The following TMEM232 variants were observed in gnomAD, a reference collection of about 807,000 sequenced individuals.
TMEM232 encodes the protein transmembrane protein 232.
In TMEM232, 80 loss-of-function variants were observed where a neutral mutation model predicts 78.8. That is an observed-to-expected ratio of 1.01 (90% CI 0.85 to 1.22). The LOEUF (loss-of-function observed/expected upper bound fraction) is 1.22. TMEM232 is among the 50% of genes most tolerant of loss of function. The pLI is 0.00. For missense variants in TMEM232, 881 were observed against 742.2 expected, an observed-to-expected ratio of 1.19 and a Z score of -2.17; for synonymous variants, 297 against 254.3, an observed-to-expected ratio of 1.17 and a Z score of -1.60.
chr5:110,674,964 A>G (rs913010221), intron 1 of TMEM232, among the ~76,000 whole-genome samples: 14 of 152,192 alleles, frequency 9.2e-5, no homozygotes, highest in East Asian at 1.9e-4. Context: ...TACAAGTATA[A>G]TTAGCTCTGA....
At chr5:110,664,453 A>G (rs954497566) in intron 2 of TMEM232, among the ~76,000 whole-genome samples, 1 of 152,224 alleles carries the variant, frequency 6.6e-6, no homozygotes, top group Non-Finnish European at 1.5e-5. Flanking sequence ...ATGAACTGGA[A>G]TGATATCTGC....
chr5:110,667,119 A>C (rs1371945536), intron 2 of TMEM232, 109 bp downstream of exon 2: 19 of 924,766 alleles, frequency 2.1e-5, no homozygotes, highest in East Asian at 9.1e-5. Context: ...TAAACTTTAA[A>C]ATTTTAATCT....
intron 12 of TMEM232, among the ~76,000 whole-genome samples, chr5:110,503,212 T>G (rs1299428873): frequency 1.3e-5 from 2 of 152,174 alleles, no homozygotes; most frequent in Admixed American, 6.6e-5. Context: ...TCAAATCATG[T>G]GAAAACAGTG....
chr5:110,619,085 T>A (rs1490416752), intron 7 of TMEM232, among the ~76,000 whole-genome samples: 1 of 152,116 alleles, frequency 6.6e-6, no homozygotes, highest in Non-Finnish European at 1.5e-5. Flanking sequence ...TTCCTTAGAG[T>A]GCTTCCCAAC....
chr5:110,620,130 G>A lies in TMEM232; in HGVS notation c.769-1568C>T, dbSNP rs937048341. On this transcript the variant is annotated intron_variant, in intron 7 of 13. Transcript: ENST00000455884. ...AGAAAAAAATCAGGATTTAGACAAC[G>A]AACAAGATTTGAGTTTTATCTTCAA... is the stretch of plus-strand genomic sequence containing the variant. Among the ~76,000 whole-genome samples, 37 of 152,144 alleles carry A rather than the reference G, an allele frequency of 2.4e-4. 1 individual carries two copies. The highest frequency in any genetic ancestry group is 1.4e-3 in the Admixed American group (22 of 15,278).
At chr5:110,592,269 A>C (rs1463109780) in intron 10 of TMEM232, among the ~76,000 whole-genome samples, 2 of 152,174 alleles carry the variant, frequency 1.3e-5, no homozygotes, top group Non-Finnish European at 2.9e-5. Context: ...AGAGATGAAG[A>C]AAATTGCCGA....
At chr5:110,568,756 T>C (rs1776609627) in intron 10 of TMEM232, 131 bp from the exon 11 acceptor site, 2 of 899,506 alleles carry the variant, frequency 2.2e-6, no homozygotes, top group South Asian at 2.0e-5. Context: ...TTCTAAGCTG[T>C]GGAAATTTCT....
chr5:110,640,563 G>A (rs1786537279), intron 4 of TMEM232, among the ~76,000 whole-genome samples: 1 of 151,914 alleles, frequency 6.6e-6, no homozygotes, highest in African/African-American at 2.4e-5. Context: ...AAATGAAGAA[G>A]CAAATTTCTC....
intron 6 of TMEM232, among the ~76,000 whole-genome samples, chr5:110,626,573 A>T (rs1784452907): frequency 6.6e-6 from 1 of 151,980 alleles, no homozygotes; most frequent in South Asian, 2.1e-4. Flanking sequence ...TAATATTTTG[A>T]CTTTATTTTA....
At chr5:110,692,560 G>T (rs1238503778) in intron 1 of TMEM232, among the ~76,000 whole-genome samples, 2 of 152,208 alleles carry the variant, frequency 1.3e-5, no homozygotes, top group Non-Finnish European at 2.9e-5. Context: ...GGCAAAGAAA[G>T]GGGTGACAGA....
intron 2 of TMEM232, among the ~76,000 whole-genome samples, chr5:110,650,918 A>C (rs771085016): frequency 1.5e-4 from 23 of 152,050 alleles, no homozygotes; most frequent in Non-Finnish European, 2.6e-4. Context: ...GTATAGGGAA[A>C]CTCTCTGTAC....
chr5:110,475,155 TAGAG>T (rs1167636195), intron 12 of TMEM232, among the ~76,000 whole-genome samples: 1 of 151,938 alleles, frequency 6.6e-6, no homozygotes, highest in African/African-American at 2.4e-5. Flanking sequence ...AATGGAACAA[TAGAG>T]AGTCCAGCAA....
intron 2 of TMEM232, among the ~76,000 whole-genome samples, chr5:110,653,149 T>A (rs1293873844): frequency 1.3e-5 from 2 of 152,216 alleles, no homozygotes; most frequent in Admixed American, 6.5e-5. Context: ...GTTCCCATTC[T>A]GGGAGGGAAG....
At chr5:110,666,686 T>C (rs572604665) in intron 2 of TMEM232, 9 of 152,244 alleles carry the variant, frequency 5.9e-5, no homozygotes, top group African/African-American at 1.4e-4. Flanking sequence ...TGTAGGATTC[T>C]AGGTGGATAA....
chr5:110,626,710 T>A lies in TMEM232; in HGVS notation c.601+1071A>T, dbSNP rs115636850. Among the ~76,000 whole-genome samples the A allele has an allele frequency of 4.5e-3, 690 of 152,186 alleles. 5 individuals are homozygous for A. The highest frequency in any genetic ancestry group is 0.016 in the African/African-American group (652 of 41,536). Reference sequence around the variant, plus strand: ...TCCCTCGCTGTTTGTTTACCTCCAATCTGAATTCCGCTTCCACCTCTCCAC... The same window carrying A: ...TCCCTCGCTGTTTGTTTACCTCCAAACTGAATTCCGCTTCCACCTCTCCAC... On this transcript the variant is annotated intron_variant, in intron 6 of 13. Transcript: ENST00000455884.
At chr5:110,514,010 T>A (rs943494657) in intron 12 of TMEM232, 4 of 169,108 alleles carry the variant, frequency 2.4e-5, no homozygotes, top group African/African-American at 9.6e-5. Context: ...GTAACTGATC[T>A]AAGCCAATGA....
At chr5:110,505,970 C>A (rs1766845446) in intron 12 of TMEM232, among the ~76,000 whole-genome samples, 1 of 152,210 alleles carries the variant, frequency 6.6e-6, no homozygotes, top group Non-Finnish European at 1.5e-5. Context: ...TTCAACAGTG[C>A]TGTCCACAGG....
At chr5:110,396,671 TCTGA>T (rs1561453931) in intron 3 of TMEM232, among the ~76,000 whole-genome samples, 1 of 152,194 alleles carries the variant, frequency 6.6e-6, no homozygotes, top group African/African-American at 2.4e-5. Context: ...AGCCATATCA[TCTGA>T]CTGATTTCTC....
chr5:110,666,995 T>A, intron 2 of TMEM232: 1 of 348,616 alleles, frequency 2.9e-6, no homozygotes, highest in Non-Finnish European at 5.1e-6. Flanking sequence ...CTATGCATTA[T>A]TATGACAAAT....
Sources: gnomAD v4.1 joint callset for allele counts (sites outside exome capture counted in the v4.1 genomes callset) on GRCh38, gnomAD v4.1.1 for gene constraint, MANE v1.5 for transcripts, NCBI Gene and HGNC (gene_info 2026-07-23, HGNC 2026-07-21) for gene names.